Variants in GABBR2 observed in about 807,000 individuals in gnomAD.
The protein encoded by GABBR2 is gamma-aminobutyric acid type B receptor subunit 2.
In GABBR2, 23 loss-of-function variants were observed where a neutral mutation model predicts 105.6. That is an observed-to-expected ratio of 0.22 (90% CI 0.16 to 0.31). The LOEUF is 0.31. GABBR2 is among the 10% of genes least tolerant of loss of function. The probability of loss-of-function intolerance (pLI) is 1.00; values close to 1 mark genes in which losing one functional copy is unlikely to be tolerated. For missense variants in GABBR2, 734 were observed against 1,245.5 expected, an observed-to-expected ratio of 0.59 and a Z score of 6.18; for synonymous variants, 478 against 499.7, an observed-to-expected ratio of 0.96 and a Z score of 0.58.
At chr9:98,319,979 G>A (rs1303709425) in intron 13 of GABBR2, among the ~76,000 whole-genome samples, 1 of 152,068 alleles carries the variant, frequency 6.6e-6, no homozygotes, top group African/African-American at 2.4e-5. Context: ...TGACAAATGG[G>A]ATCTAATTAA....
chr9:98,551,628 ATC>A (rs1365187658), intron 2 of GABBR2, among the ~76,000 whole-genome samples: 1 of 152,150 alleles, frequency 6.6e-6, no homozygotes, highest in Non-Finnish European at 1.5e-5. Context: ...AGCCATGAGC[ATC>A]TCTCTCCAGC....
intron 1 of GABBR2, among the ~76,000 whole-genome samples, chr9:98,707,636 A>C (rs995528106): frequency 1.3e-5 from 2 of 152,222 alleles, no homozygotes; most frequent in African/African-American, 4.8e-5. Flanking sequence ...GCTAGGTCGG[A>C]TGCTTCAAGC....
At chr9:98,374,589 T>G (rs1281058237) in intron 11 of GABBR2, among the ~76,000 whole-genome samples, 1 of 152,192 alleles carries the variant, frequency 6.6e-6, no homozygotes, top group African/African-American at 2.4e-5. Context: ...TTTTGTTACA[T>G]AGTAGGCAGA....
intron 9 of GABBR2, among the ~76,000 whole-genome samples, chr9:98,391,139 G>T (rs1832173400): frequency 6.6e-6 from 1 of 152,104 alleles, no homozygotes; most frequent in South Asian, 2.1e-4. Context: ...GCCTGAGACT[G>T]AGCACCAATG....
chr9:98,408,479 A>C (rs1832528111), intron 7 of GABBR2, among the ~76,000 whole-genome samples: 1 of 152,160 alleles, frequency 6.6e-6, no homozygotes, highest in African/African-American at 2.4e-5. Context: ...TGGATAGGGG[A>C]CCACTGTGCC....
intron 6 of GABBR2, among the ~76,000 whole-genome samples, chr9:98,457,856 G>T (rs1262460640): frequency 3.9e-5 from 6 of 152,200 alleles, no homozygotes; most frequent in Non-Finnish European, 7.3e-5. Context: ...CTTAAAGCAG[G>T]CCTCCAATTA....
At chr9:98,502,347 C>G (rs1690071083) in intron 3 of GABBR2, among the ~76,000 whole-genome samples, 1 of 152,192 alleles carries the variant, frequency 6.6e-6, no homozygotes, top group Admixed American at 6.5e-5. Flanking sequence ...CAGTGCCACT[C>G]CACTGCAAGG....
intron 1 of GABBR2, among the ~76,000 whole-genome samples, chr9:98,684,762 C>T (rs1049655138): frequency 2.6e-5 from 4 of 152,184 alleles, no homozygotes; most frequent in African/African-American, 9.6e-5. Context: ...TAGAGACAAA[C>T]TTTACCCCGT....
intron 14 of GABBR2, among the ~76,000 whole-genome samples, chr9:98,309,765 C>T (rs1262356452): frequency 6.6e-6 from 1 of 152,220 alleles, no homozygotes; most frequent in Non-Finnish European, 1.5e-5. Context: ...GCTCAGATTG[C>T]AGCCCAGTGG....
intron 9 of GABBR2, among the ~76,000 whole-genome samples, chr9:98,390,578 G>C (rs1014050429): frequency 3.3e-5 from 5 of 151,802 alleles, no homozygotes; most frequent in African/African-American, 1.2e-4. Context: ...CAAAAGTCTG[G>C]GCTAAAGCAG....
At chr9:98,560,819 T>G (rs564347550) in intron 2 of GABBR2, among the ~76,000 whole-genome samples, 12 of 149,214 alleles carry the variant, frequency 8.0e-5, no homozygotes, top group African/African-American at 2.7e-4. Context: ...CATATACATA[T>G]ATGCACACAC....
At chr9:98,496,294 C>T (rs931400220) in intron 4 of GABBR2, 119 bp downstream of exon 4, 27 of 693,872 alleles carry the variant, frequency 3.9e-5, no homozygotes, top group Admixed American at 1.7e-4. Context: ...TCTGGGATGC[C>T]AAGGTGGAAA....
At chr9:98,490,809 C>T (rs1176284341) in intron 4 of GABBR2, among the ~76,000 whole-genome samples, 1 of 152,232 alleles carries the variant, frequency 6.6e-6, no homozygotes, top group Non-Finnish European at 1.5e-5. Context: ...AGCAGCTTCC[C>T]AGCCCCGCCT....
chr9:98,707,922 T>A (rs925666027), intron 1 of GABBR2, among the ~76,000 whole-genome samples: 10 of 152,172 alleles, frequency 6.6e-5, no homozygotes, highest in Non-Finnish European at 1.0e-4. Flanking sequence ...GCCCCTTGGG[T>A]TCCGGAGCCT....
At chr9:98,589,711 CTTT>C (rs561852717) in intron 1 of GABBR2, among the ~76,000 whole-genome samples, 134 of 132,696 alleles carry the variant, frequency 1.0e-3, no homozygotes, top group African/African-American at 3.0e-3. Context: ...GTTTGGCTGT[CTTT>C]TTTTTTTTTT....
At chr9:98,675,907 T>C (rs1285167422) in intron 1 of GABBR2, among the ~76,000 whole-genome samples, 1 of 152,246 alleles carries the variant, frequency 6.6e-6, no homozygotes, top group Non-Finnish European at 1.5e-5. Flanking sequence ...GACACTCCTC[T>C]GACATCCTTT....
intron 6 of GABBR2, among the ~76,000 whole-genome samples, chr9:98,469,836 C>T (rs1000928305): frequency 2.6e-4 from 40 of 152,188 alleles, no homozygotes; most frequent in African/African-American, 9.2e-4. Context: ...TGTGGTTTTA[C>T]AAGTGTTTGC....
chr9:98,324,651 A>G (rs933546266), intron 13 of GABBR2, among the ~76,000 whole-genome samples: 1 of 152,084 alleles, frequency 6.6e-6, no homozygotes, highest in African/African-American at 2.4e-5. Context: ...CTTTTCCAAA[A>G]CAGGATGCGT....
At chr9:98,657,829 A>G (rs1478542263) in intron 1 of GABBR2, among the ~76,000 whole-genome samples, 1 of 152,208 alleles carries the variant, frequency 6.6e-6, no homozygotes. Flanking sequence ...AGTGTCTAGC[A>G]TTTCCCCTGC....
Sources: allele counts gnomAD v4.1 joint callset (sites outside exome capture counted in the v4.1 genomes callset), GRCh38; gene constraint gnomAD v4.1.1; transcripts MANE v1.5; gene names NCBI Gene and HGNC (gene_info 2026-07-23, HGNC 2026-07-21).